GALNTL6: variants seen among roughly 807,000 people sequenced by gnomAD.
The protein encoded by GALNTL6 is polypeptide N-acetylgalactosaminyltransferase like 6.
A neutral mutation model predicts 73.7 loss-of-function variants in GALNTL6; 46 were observed. The ratio of observed to expected loss-of-function variants is 0.62; its 90% CI spans 0.49 to 0.80. GALNTL6 has a LOEUF of 0.80. Ranked by LOEUF, GALNTL6 falls within the 30% of genes least tolerant of loss-of-function variation. The pLI is 0.00. For synonymous variants in GALNTL6, 259 were observed against 263.7 expected (o/e 0.98, Z 0.17); for missense variants, 604 against 755.0 (o/e 0.80, Z 2.34).
intron 2 of GALNTL6, among the ~76,000 whole-genome samples, chr4:171,984,851 T>A (rs1040880523): frequency 2.6e-4 from 40 of 152,108 alleles, no homozygotes; most frequent in African/African-American, 9.2e-4. Flanking sequence ...AGTCAATCAC[T>A]CTAAGATAAC....
At chr4:172,412,541 C>G (rs2111346169) in intron 5 of GALNTL6, among the ~76,000 whole-genome samples, 1 of 152,262 alleles carries the variant, frequency 6.6e-6, no homozygotes, top group African/African-American at 2.4e-5. Flanking sequence ...CAGATATCTA[C>G]AGACTTTTAG....
chr4:172,184,115 T>C (rs980151864), intron 2 of GALNTL6, among the ~76,000 whole-genome samples: 3 of 152,170 alleles, frequency 2.0e-5, no homozygotes, highest in African/African-American at 7.2e-5. Context: ...ATGCTGTTTG[T>C]ATAGCAGACA....
intron 3 of GALNTL6, among the ~76,000 whole-genome samples, chr4:172,290,121 C>A (rs568695202): frequency 4.6e-5 from 7 of 152,102 alleles, no homozygotes; most frequent in Admixed American, 4.6e-4. Context: ...GGTATAGGGA[C>A]TTTCTCTTTC....
At chr4:171,948,966 C>T (rs200657062) in intron 2 of GALNTL6, among the ~76,000 whole-genome samples, 243 of 125,658 alleles carry the variant, frequency 1.9e-3, no homozygotes, top group African/African-American at 3.6e-3. Flanking sequence ...TATATATACA[C>T]ACACACACAC....
intron 3 of GALNTL6, among the ~76,000 whole-genome samples, chr4:172,308,248 G>A (rs575801027): frequency 5.3e-5 from 8 of 151,084 alleles, no homozygotes; most frequent in East Asian, 2.0e-4. Context: ...GGGTTTTCAT[G>A]GTACATGATT....
intron 2 of GALNTL6, among the ~76,000 whole-genome samples, chr4:172,178,713 G>T: frequency 1.5e-5 from 2 of 130,188 alleles, no homozygotes; most frequent in Non-Finnish European, 3.2e-5. Context: ...GTGCAGGTTA[G>T]TTACATATGT....
At chr4:172,878,446 A>G (rs1255160009) in intron 7 of GALNTL6, among the ~76,000 whole-genome samples, 1 of 151,944 alleles carries the variant, frequency 6.6e-6, no homozygotes, top group Non-Finnish European at 1.5e-5. Context: ...TGGGATTTAA[A>G]ACGTGTAAAA....
At chr4:171,922,396 C>T (rs1463704169) in intron 2 of GALNTL6, among the ~76,000 whole-genome samples, 1 of 152,024 alleles carries the variant, frequency 6.6e-6, no homozygotes, top group Non-Finnish European at 1.5e-5. Flanking sequence ...TGAATCATTG[C>T]TGCTATAACT....
intron 2 of GALNTL6, among the ~76,000 whole-genome samples, chr4:171,987,462 C>T (rs916187765): frequency 2.6e-5 from 4 of 152,236 alleles, no homozygotes; most frequent in African/African-American, 9.6e-5. Flanking sequence ...TAGGAAAGGC[C>T]TCTACCCAAC....
intron 2 of GALNTL6, among the ~76,000 whole-genome samples, chr4:172,174,572 G>A (rs759968524): frequency 1.4e-4 from 22 of 151,994 alleles, no homozygotes; most frequent in African/African-American, 3.1e-4. Context: ...TTTATTGGTC[G>A]AGTAGTCCTG....
intron 2 of GALNTL6, among the ~76,000 whole-genome samples, chr4:172,016,229 C>G (rs1741189934): frequency 6.6e-6 from 1 of 151,972 alleles, no homozygotes; most frequent in African/African-American, 2.4e-5. Flanking sequence ...TTAACATAAT[C>G]TCAAGTTTCT....
rs1306739993 is a variant in GALNTL6, at chr4:171,813,710, C to G, written c.-450C>G. On this transcript the variant is annotated 5_prime_UTR_variant, in exon 1 of 13. Coordinates refer to ENST00000506823, the MANE Select transcript of GALNTL6 (RefSeq NM_001034845.3). The surrounding 1 kb of genome is among the most constrained non-coding windows in gnomAD (Gnocchi z 5.2). ...GAAGGGACGAGATTGATGGGCAGAG[C>G]GCTCACTTCTCAGAGGATCGCATTC... The G allele has an allele frequency of 2.0e-4, 31 of 152,270 alleles. 1 individual carries two copies. Among genetic ancestry groups the G allele is most frequent in the Admixed American group, 2.0e-3 (31 of 15,280 alleles). The allele number at this position is 152,270 out of a possible 1,614,324, so 9.4% of individuals were successfully genotyped here.
chr4:171,821,889 A>C lies in GALNTL6; in HGVS notation c.138+7171A>C, dbSNP rs145407378. On this transcript the variant is annotated intron_variant, in intron 2 of 12. Coordinates refer to ENST00000506823, the MANE Select transcript of GALNTL6 (RefSeq NM_001034845.3). The stretch of plus-strand genomic sequence containing the variant: ...TTTTTCTTAACATTTTGGATTTCAT[A>C]CTTAAGGATAAGTTGATTATTTTAA... Among the ~76,000 whole-genome samples the C allele has an allele frequency of 3.8e-3, 578 of 152,194 alleles. 3 individuals are homozygous for C. The highest frequency in any genetic ancestry group is 9.7e-3 in the South Asian group (47 of 4,824).
intron 2 of GALNTL6, among the ~76,000 whole-genome samples, chr4:171,907,888 A>G (rs1221042358): frequency 6.6e-6 from 1 of 152,110 alleles, no homozygotes; most frequent in African/African-American, 2.4e-5. Flanking sequence ...AAAACAAGCA[A>G]TGGGAAAAGG....
Position 172,443,607 on chromosome 4 carries a change from T to C in GALNTL6, c.553+94918T>C, listed in dbSNP as rs116584425. ...ATAGCCCCTTTTTATATGTGAGAGA[T>C]ATGACTGAGAACACAGGTGATATAT... On this transcript the variant is annotated intron_variant, in intron 5 of 12. Coordinates refer to ENST00000506823, the MANE Select transcript of GALNTL6 (RefSeq NM_001034845.3). 1.5e-3 allele frequency among the ~76,000 whole-genome samples: 224 copies of C among 152,234 alleles called. 1 individual carries two copies. Among genetic ancestry groups the C allele is most frequent in the African/African-American group, 4.8e-3 (199 of 41,524 alleles).
chr4:172,339,063 C>T lies in GALNTL6; in HGVS notation c.387-9460C>T, dbSNP rs187831477. Reference sequence around the variant, plus strand: ...GTGCTCTGAATGCCTGGAGATCTGCCTGGGCATAAAACAGAGAGTGCTTTG... The same window carrying T: ...GTGCTCTGAATGCCTGGAGATCTGCTTGGGCATAAAACAGAGAGTGCTTTG... On this transcript the variant is annotated intron_variant, in intron 4 of 12. Coordinates refer to ENST00000506823, the MANE Select transcript of GALNTL6 (RefSeq NM_001034845.3). 2.2e-4 allele frequency among the ~76,000 whole-genome samples: 33 copies of T among 152,204 alleles called. 1 individual carries two copies. The East Asian group carries it at 6.2e-3, about 29-fold the overall frequency.
chr4:172,116,418 G>T (rs1284188725), intron 2 of GALNTL6, among the ~76,000 whole-genome samples: 1 of 152,124 alleles, frequency 6.6e-6, no homozygotes, highest in Non-Finnish European at 1.5e-5. Flanking sequence ...TTAGATGACT[G>T]TTATCCCAAG....
chr4:172,638,816 T>C (rs557475196), intron 5 of GALNTL6, among the ~76,000 whole-genome samples: 2 of 152,270 alleles, frequency 1.3e-5, no homozygotes, highest in African/African-American at 4.8e-5. Flanking sequence ...TTAATTGTCA[T>C]CTTGCCTCTA....
intron 2 of GALNTL6, among the ~76,000 whole-genome samples, chr4:171,879,195 T>G (rs1026190447): frequency 3.9e-5 from 6 of 152,240 alleles, no homozygotes; most frequent in African/African-American, 1.4e-4. Flanking sequence ...GCCATGAGCT[T>G]GTGCAGATAT....
Sources: gnomAD v4.1 joint callset for allele counts (sites outside exome capture counted in the v4.1 genomes callset) on GRCh38, gnomAD v4.1.1 for gene constraint, Gnocchi (gnomAD v3.1) non-coding constraint, MANE v1.5 for transcripts, NCBI Gene and HGNC (gene_info 2026-07-23, HGNC 2026-07-21) for gene names.